Variants in LUZP2 observed in about 807,000 individuals in gnomAD.
LUZP2 encodes the protein leucine zipper protein 2.
LUZP2 carries 52 observed loss-of-function variants against 51.6 expected under a neutral mutation model. The observed-to-expected ratio is 1.01, with a 90% CI of 0.81 to 1.27. The LOEUF (loss-of-function observed/expected upper bound fraction) is 1.27. Ranked by LOEUF, LUZP2 falls within the 50% of genes most tolerant of loss-of-function variation. The pLI is 0.00. For missense variants in LUZP2, 436 were observed against 395.4 expected (o/e 1.10, Z -0.87); for synonymous variants, 154 against 137.3 (o/e 1.12, Z -0.85).
chr11:24,527,599 A>ACAG (rs112511900), intron 1 of LUZP2, among the ~76,000 whole-genome samples: 3,039 of 148,700 alleles, frequency 0.02, 90 homozygotes, highest in African/African-American at 0.062. Context: ...ACACACACAC[A>ACAG]TTTATTTGTT....
At chr11:24,600,167 A>G (rs1007016130) in intron 1 of LUZP2, among the ~76,000 whole-genome samples, 1 of 134,838 alleles carries the variant, frequency 7.4e-6, no homozygotes, top group Non-Finnish European at 1.6e-5. Flanking sequence ...TATATAATGT[A>G]GATTACAACA....
At position 24,811,409 on chromosome 11, in the gene LUZP2, C is replaced by G. The variant is rs536358276; in HGVS notation, c.396+48101C>G. ...TGAATTTCTGATATTGCTTCTAGCA[C>G]AGATTTGCTAGTCGCTGTCTTATCT... On this transcript the variant is annotated intron_variant, in intron 5 of 11. Coordinates refer to ENST00000336930, the MANE Select transcript of LUZP2 (RefSeq NM_001009909.4). Among the ~76,000 whole-genome samples the G allele has an allele frequency of 1.2e-4, 19 of 152,262 alleles. No homozygotes were observed. The South Asian group carries it at 3.3e-3, about 27-fold the overall frequency.
intron 5 of LUZP2, among the ~76,000 whole-genome samples, chr11:24,797,326 C>T (rs572217770): frequency 6.6e-6 from 1 of 152,092 alleles, no homozygotes; most frequent in Admixed American, 6.6e-5. Context: ...ATTCTGAAAA[C>T]CACAATTGAT....
intron 1 of LUZP2, among the ~76,000 whole-genome samples, chr11:24,570,406 G>A (rs949043353): frequency 1.3e-5 from 2 of 152,014 alleles, no homozygotes; most frequent in East Asian, 1.9e-4. Context: ...TATTATTAAG[G>A]CATTAACCAT....
chr11:24,691,996 C>G (rs942514818), intron 1 of LUZP2, among the ~76,000 whole-genome samples: 2 of 152,070 alleles, frequency 1.3e-5, no homozygotes, highest in Non-Finnish European at 2.9e-5. Context: ...GGAAAACTAA[C>G]TAAAATATTA....
intron 9 of LUZP2, among the ~76,000 whole-genome samples, chr11:25,009,957 A>T (rs11028347): frequency 0.38 from 57,813 of 152,044 alleles, 13,360 homozygotes; most frequent in East Asian, 0.77. Context: ...TTGGCTTAAA[A>T]ATATTTTTTA....
At chr11:24,659,837 C>T (rs967577995) in intron 1 of LUZP2, among the ~76,000 whole-genome samples, 26 of 152,134 alleles carry the variant, frequency 1.7e-4, no homozygotes, top group African/African-American at 6.0e-4. Context: ...CTGATATAAA[C>T]CTGTTCTCCT....
At chr11:24,671,649 A>G (rs762325867) in intron 1 of LUZP2, among the ~76,000 whole-genome samples, 11 of 152,024 alleles carry the variant, frequency 7.2e-5, no homozygotes, top group Non-Finnish European at 1.6e-4. Context: ...ATGTTCCCTC[A>G]TGAATGTCTT....
chr11:24,752,612 C>A (rs1425170101), intron 4 of LUZP2, among the ~76,000 whole-genome samples: 1 of 151,930 alleles, frequency 6.6e-6, no homozygotes, highest in African/African-American at 2.4e-5. Context: ...TAGTACATAA[C>A]CAAGACTATT....
At chr11:24,713,739 A>G (rs573140248) in intron 1 of LUZP2, among the ~76,000 whole-genome samples, 1 of 125,848 alleles carries the variant, frequency 7.9e-6, no homozygotes, top group Admixed American at 9.4e-5. Context: ...CCCAGGTTGG[A>G]GTGCAGTAGC....
intron 1 of LUZP2, among the ~76,000 whole-genome samples, chr11:24,564,926 A>G (rs1343317529): frequency 1.3e-5 from 2 of 152,178 alleles, no homozygotes; most frequent in South Asian, 2.1e-4. Context: ...TCAAAAAGGA[A>G]TGGATCCCTT....
chr11:25,009,325 TA>T (rs1856919710), intron 9 of LUZP2, among the ~76,000 whole-genome samples: 1 of 152,208 alleles, frequency 6.6e-6, no homozygotes, highest in South Asian at 2.1e-4. Context: ...TGAAATTCTC[TA>T]AAATTAAATT....
chr11:24,798,476 C>T (rs1849608314), intron 5 of LUZP2, among the ~76,000 whole-genome samples: 1 of 152,140 alleles, frequency 6.6e-6, no homozygotes, highest in Non-Finnish European at 1.5e-5. Flanking sequence ...GGATTACAGG[C>T]GTGAGCCACT....
At chr11:24,671,328 A>G (rs1181102939) in intron 1 of LUZP2, among the ~76,000 whole-genome samples, 3 of 151,894 alleles carry the variant, frequency 2.0e-5, no homozygotes, top group Non-Finnish European at 4.4e-5. Context: ...AACTGAAAAT[A>G]TTCCCCTCCC....
At chr11:24,948,813 T>TTG (rs1854977907) in intron 7 of LUZP2, among the ~76,000 whole-genome samples, 1 of 66,198 alleles carries the variant, frequency 1.5e-5, no homozygotes, top group Non-Finnish European at 4.7e-5. Flanking sequence ...TCTATCTATC[T>TTG]ATCTATCTAT....
At chr11:25,048,166 C>G (rs1238475683) in intron 9 of LUZP2, among the ~76,000 whole-genome samples, 1 of 152,132 alleles carries the variant, frequency 6.6e-6, no homozygotes, top group East Asian at 1.9e-4. Flanking sequence ...GGGATCTCCT[C>G]TCTACTTTTT....
At chr11:24,716,162 T>C (rs1858033426) in intron 1 of LUZP2, among the ~76,000 whole-genome samples, 1 of 152,130 alleles carries the variant, frequency 6.6e-6, no homozygotes, top group Non-Finnish European at 1.5e-5. Flanking sequence ...AAATAATTAT[T>C]TAAAAGTAGG....
chr11:24,575,351 G>A (rs1467225608), intron 1 of LUZP2, among the ~76,000 whole-genome samples: 1 of 152,006 alleles, frequency 6.6e-6, no homozygotes, highest in African/African-American at 2.4e-5. Context: ...ATATTTGCCT[G>A]GTTGCTTCCC....
chr11:24,680,778 A>G (rs1020974890), intron 1 of LUZP2, among the ~76,000 whole-genome samples: 5 of 152,190 alleles, frequency 3.3e-5, no homozygotes, highest in African/African-American at 1.2e-4. Flanking sequence ...TTTTATACAT[A>G]TAGGAATCAA....
Sources: gnomAD v4.1 joint callset for allele counts (sites outside exome capture counted in the v4.1 genomes callset) on GRCh38, gnomAD v4.1.1 for gene constraint, MANE v1.5 for transcripts, NCBI Gene and HGNC (gene_info 2026-07-23, HGNC 2026-07-21) for gene names.